GLDC: variants seen among roughly 807,000 people sequenced by gnomAD.
GLDC encodes glycine decarboxylase.
A neutral mutation model predicts 121.3 loss-of-function variants in GLDC; 104 were observed. The ratio of observed to expected loss-of-function variants is 0.86; its 90% CI spans 0.73 to 1.01. GLDC has a LOEUF of 1.01. Among genes scored for constraint, GLDC ranks in the 50% least tolerant of loss-of-function variants. The probability of loss-of-function intolerance (pLI) is 0.00; values close to 1 mark genes in which losing one functional copy is unlikely to be tolerated. For missense variants in GLDC, 1,429 were observed against 1,306.6 expected, an observed-to-expected ratio of 1.09 and a Z score of -1.44; for synonymous variants, 546 against 480.6, an observed-to-expected ratio of 1.14 and a Z score of -1.78.
intron 11 of GLDC, among the ~76,000 whole-genome samples, chr9:6,590,160 T>C (rs1385883163): frequency 6.6e-6 from 1 of 151,894 alleles, no homozygotes; most frequent in Non-Finnish European, 1.5e-5. Context: ...ATATAAAAAT[T>C]AGATAAATTA....
intron 21 of GLDC, among the ~76,000 whole-genome samples, chr9:6,549,158 A>G (rs1817457137): frequency 6.6e-6 from 1 of 152,236 alleles, no homozygotes; most frequent in African/African-American, 2.4e-5. Context: ...AGCAGAAAAA[A>G]TCTAAATAAA....
chr9:6,540,447 T>C (rs964251242), intron 21 of GLDC: 2 of 394,140 alleles, frequency 5.1e-6, no homozygotes, highest in South Asian at 4.9e-5. Flanking sequence ...ACCGGAGGTG[T>C]CTGGGGATGA....
In GLDC at chr9:6,546,238, G is replaced by C. The variant is rs559879756; in HGVS notation, c.2569+4565C>G. On this transcript the variant is annotated intron_variant, in intron 21 of 24. Coordinates refer to ENST00000321612, the MANE Select transcript of GLDC (RefSeq NM_000170.3). ...GACAGTGTCTCACTCTGTCACCCAG[G>C]CTGGAGTGCAGTGGCACCATTACAA... Among the ~76,000 whole-genome samples the C allele has an allele frequency of 2.0e-5, 3 of 151,940 alleles. No individual in the cohort carries two copies. In the South Asian group the frequency reaches 6.3e-4, roughly 32 times the overall value.
intron 2 of GLDC, among the ~76,000 whole-genome samples, chr9:6,628,275 T>C (rs1012917985): frequency 6.6e-6 from 1 of 152,188 alleles, no homozygotes; most frequent in African/African-American, 2.4e-5. Flanking sequence ...GAGAAGGTGA[T>C]TGTGCCATCC....
chr9:6,589,564 G>T (rs1818337122), intron 11 of GLDC, among the ~76,000 whole-genome samples: 1 of 151,836 alleles, frequency 6.6e-6, no homozygotes, highest in Non-Finnish European at 1.5e-5. Flanking sequence ...AGTAGCTGGG[G>T]CTACAGGTGC....
At chr9:6,629,958 T>TATATATATATATATA in intron 2 of GLDC, among the ~76,000 whole-genome samples, 1 of 78,652 alleles carries the variant, frequency 1.3e-5, no homozygotes, top group African/African-American at 6.1e-5. Flanking sequence ...TATATATATA[T>TATATATATATATATA]TTTTTTTTTT....
chr9:6,544,070 C>A (rs577428146), intron 21 of GLDC, among the ~76,000 whole-genome samples: 304 of 152,300 alleles, frequency 2.0e-3, no homozygotes, highest in African/African-American at 7.2e-3. Context: ...TATCCCCCAT[C>A]CTCAAGGCGG....
chr9:6,559,232 C>A (rs1177795628), intron 16 of GLDC, among the ~76,000 whole-genome samples: 1 of 152,070 alleles, frequency 6.6e-6, no homozygotes, highest in Non-Finnish European at 1.5e-5. Context: ...ATGATCAACC[C>A]GGCCAGGTGC....
chr9:6,606,422 AT>A (rs1175738644), intron 5 of GLDC, among the ~76,000 whole-genome samples, 169 bp downstream of exon 5: 1 of 152,136 alleles, frequency 6.6e-6, no homozygotes, highest in African/African-American at 2.4e-5. Flanking sequence ...TACCAGAGAG[AT>A]GCCCAGAAGA....
In GLDC at chr9:6,553,497, G is replaced by T. The variant is rs149600380; in HGVS notation, c.2328C>A (p.Leu776=). The T allele has an allele frequency of 1.9e-6, 3 of 1,611,512 alleles. No individual in the cohort carries two copies. The highest frequency in any genetic ancestry group is 1.3e-5 in the African/African-American group (1 of 74,612). ...CGGGATGATTGGGCAAAAACGGGGC[G>T]AGATGTTTCTTCCTGTATTTTTTTT... ...GMGPIGVKKH[L]APFLPNHPVI... Residue 776 remains leucine (L), a synonymous_variant, in exon 20 of 25, where the codon CTC becomes CTA. Transcript: ENST00000321612.
chr9:6,550,930 A>T lies in GLDC; in HGVS notation c.2458-16T>A. The stretch of plus-strand genomic sequence containing the variant: ...CTCCCATCATCTGCAACAAAGGGAA[A>T]AAGAGCCATTAGCCATTGAACAGGC... On this transcript the variant is annotated splice_polypyrimidine_tract_variant and intron_variant, in intron 20 of 24. Coordinates refer to ENST00000321612, the MANE Select transcript of GLDC (RefSeq NM_000170.3). 6.6e-7 allele frequency: 1 copy of T among 1,514,270 alleles called. No individual in the cohort carries two copies. Among genetic ancestry groups the T allele is most frequent in the Non-Finnish European group, 9.2e-7 (1 of 1,088,952 alleles). The allele number at this position is 1,514,270 out of a possible 1,614,324, so 93.8% of individuals were successfully genotyped here.
chr9:6,541,143 G>A (rs1817249589), intron 21 of GLDC: 2 of 152,112 alleles, frequency 1.3e-5, no homozygotes, highest in Admixed American at 1.3e-4. Flanking sequence ...TCAGATTAGG[G>A]ATATTCGACC....
chr9:6,559,602 G>A (rs1357428198), intron 16 of GLDC, among the ~76,000 whole-genome samples: 1 of 151,190 alleles, frequency 6.6e-6, no homozygotes, highest in East Asian at 1.9e-4. Flanking sequence ...GGAGGTGGAG[G>A]TCAGGAGTTC....
intron 23 of GLDC, among the ~76,000 whole-genome samples, chr9:6,535,609 C>T (rs1269551271): frequency 1.3e-5 from 2 of 152,130 alleles, no homozygotes; most frequent in African/African-American, 4.8e-5. Flanking sequence ...GTAAAATTAA[C>T]ATGTTTTGGA....
Position 6,606,659 on chromosome 9 carries a change from T to A in GLDC, c.646A>T (p.Arg216Trp), listed in dbSNP as rs140411475. 6.3e-7 allele frequency: 1 copy of A among 1,596,420 alleles called. No homozygotes were observed. The change falls in exon 5 of 25, where the codon AGG becomes TGG. Residue 216 changes from arginine to tryptophan, a missense_variant. Arg to Trp is a moderately radical substitution (Grantham distance 101). Transcript: ENST00000321612. ...CGGGGATCAACGAGAAATTTCCTCC[T>A]CTTGTTGTGTCTGTTGAAAAGAAAA... ...ALQLCYRHNK[R>W]RKFLVDPRCH...
At chr9:6,618,733 G>T (rs962185495) in intron 3 of GLDC, among the ~76,000 whole-genome samples, 1 of 152,156 alleles carries the variant, frequency 6.6e-6, no homozygotes, top group Non-Finnish European at 1.5e-5. Flanking sequence ...GTGAGGACCA[G>T]AGTGGGCAGG....
intron 2 of GLDC, among the ~76,000 whole-genome samples, chr9:6,630,361 G>C (rs1819351305): frequency 6.6e-6 from 1 of 152,120 alleles, no homozygotes; most frequent in African/African-American, 2.4e-5. Flanking sequence ...CATCCCATCA[G>C]TCCCAGGCAT....
intron 2 of GLDC, chr9:6,639,201 G>A (rs928363660): frequency 8.0e-6 from 7 of 870,612 alleles, no homozygotes; most frequent in South Asian, 1.3e-5. Flanking sequence ...CAAAGAGAAT[G>A]CTTTAAAGGC....
chr9:6,558,966 C>T (rs546430704), intron 16 of GLDC, among the ~76,000 whole-genome samples: 6 of 152,274 alleles, frequency 3.9e-5, no homozygotes, highest in African/African-American at 1.2e-4. Flanking sequence ...TAGGCCTGGA[C>T]TTATTCTAAC....
Sources: gnomAD v4.1 joint callset for allele counts (sites outside exome capture counted in the v4.1 genomes callset) on GRCh38, gnomAD v4.1.1 for gene constraint, MANE v1.5 for transcripts, NCBI Gene and HGNC (gene_info 2026-07-23, HGNC 2026-07-21) for gene names.